SCN2A: variants seen among roughly 807,000 people sequenced by gnomAD.
SCN2A encodes the protein sodium channel protein type 2 subunit alpha.
A neutral mutation model predicts 188.7 loss-of-function variants in SCN2A; 20 were observed. The ratio of observed to expected loss-of-function variants is 0.11; its 90% CI spans 0.07 to 0.15. The LOEUF is 0.15. Among genes scored for constraint, SCN2A ranks in the 10% least tolerant of loss-of-function variants. The pLI, the probability that SCN2A is intolerant of heterozygous loss-of-function variation, is 1.00. For missense variants in SCN2A, 1,278 were observed against 2,445.0 expected, an observed-to-expected ratio of 0.52 and a Z score of 10.07; for synonymous variants, 804 against 833.1, an observed-to-expected ratio of 0.97 and a Z score of 0.60.
At chr2:165,357,227 T>C (rs1228810736) in intron 17 of SCN2A, among the ~76,000 whole-genome samples, 1 of 152,200 alleles carries the variant, frequency 6.6e-6, no homozygotes, top group African/African-American at 2.4e-5. Flanking sequence ...AAAACAATTA[T>C]TGAAGAATTT....
chr2:165,355,999 A>C (rs1474416143), intron 17 of SCN2A, among the ~76,000 whole-genome samples: 12 of 88,108 alleles, frequency 1.4e-4, no homozygotes, highest in African/African-American at 3.4e-4. Context: ...ACTCTGTCTC[A>C]AAAAAAAAAA....
chr2:165,363,104 T>C, intron 17 of SCN2A, among the ~76,000 whole-genome samples: 1 of 152,186 alleles, frequency 6.6e-6, no homozygotes, highest in South Asian at 2.1e-4. Flanking sequence ...ATATGCTGTC[T>C]GGTGACTTCT....
At chr2:165,249,692 C>G (rs1694005447) in intron 1 of SCN2A, among the ~76,000 whole-genome samples, 1 of 151,934 alleles carries the variant, frequency 6.6e-6, no homozygotes. Flanking sequence ...ATGGAAGCCA[C>G]CCAGTTAACT....
intron 1 of SCN2A, among the ~76,000 whole-genome samples, chr2:165,245,797 A>G (rs555996483): frequency 6.6e-6 from 1 of 152,348 alleles, no homozygotes; most frequent in Non-Finnish European, 1.5e-5. Context: ...AAGGGTCAAG[A>G]AACTTCTACA....
At chr2:165,263,886 AT>A (rs35091347) in intron 1 of SCN2A, among the ~76,000 whole-genome samples, 16,324 of 146,070 alleles carry the variant, frequency 0.11, 1,002 homozygotes, top group Middle Eastern at 0.24. Flanking sequence ...TAAGTATTCT[AT>A]TTTTTTTTTT....
Position 165,389,855 on chromosome 2 carries a change from CA to C in SCN2A, c.*33del. The stretch of plus-strand genomic sequence containing the variant: ...AACCAAGAATTTTCCATTTTGTGAT[CA>C]ATTGTTTACAGCCCGTGATGGTGAT... On this transcript the variant is annotated 3_prime_UTR_variant, in exon 27 of 27. Transcript: ENST00000375437. The surrounding 1 kb of genome is among the most constrained non-coding windows in gnomAD (Gnocchi z 4.2). 6.4e-7 allele frequency: 1 copy of C among 1,562,954 alleles called. No homozygotes were observed. The highest frequency in any genetic ancestry group is 8.7e-7 in the Non-Finnish European group (1 of 1,155,540).
At chr2:165,376,547 T>C (rs1376601675) in intron 22 of SCN2A, among the ~76,000 whole-genome samples, 1 of 152,016 alleles carries the variant, frequency 6.6e-6, no homozygotes, top group Admixed American at 6.6e-5. Flanking sequence ...GCTGGAAACA[T>C]GATGGTTCTA....
At chr2:165,271,377 ATT>A (rs1301464862) in intron 1 of SCN2A, 3 of 152,096 alleles carry the variant, frequency 2.0e-5, no homozygotes, top group Admixed American at 2.0e-4. Context: ...TTACAGTCTT[ATT>A]GCTGGCCACA....
At chr2:165,307,184 A>G (rs987722479) in intron 3 of SCN2A, among the ~76,000 whole-genome samples, 2 of 152,088 alleles carry the variant, frequency 1.3e-5, no homozygotes, top group African/African-American at 2.4e-5. Flanking sequence ...GTTGAAGGAG[A>G]CTTACATATT....
intron 17 of SCN2A, among the ~76,000 whole-genome samples, chr2:165,359,159 G>A (rs1700324384): frequency 6.6e-6 from 1 of 152,036 alleles, no homozygotes; most frequent in Non-Finnish European, 1.5e-5. Context: ...AGATTCATGA[G>A]CTATAATGCC....
chr2:165,260,595 A>G (rs1018201331), intron 1 of SCN2A, among the ~76,000 whole-genome samples: 1 of 152,116 alleles, frequency 6.6e-6, no homozygotes, highest in African/African-American at 2.4e-5. Context: ...CCAGCTGCAT[A>G]CAGTTATCCC....
intron 14 of SCN2A, among the ~76,000 whole-genome samples, chr2:165,332,970 C>T (rs1698776901): frequency 6.6e-6 from 1 of 152,006 alleles, no homozygotes; most frequent in Non-Finnish European, 1.5e-5. Flanking sequence ...ATTCTATCAA[C>T]TTTTATTCTA....
chr2:165,378,029 A>C (rs942889478), intron 23 of SCN2A, among the ~76,000 whole-genome samples: 4 of 151,654 alleles, frequency 2.6e-5, no homozygotes, highest in African/African-American at 9.7e-5. Flanking sequence ...TCTTCCTTAT[A>C]ATAGGAAGGA....
intron 1 of SCN2A, among the ~76,000 whole-genome samples, chr2:165,250,470 G>A (rs371806760): frequency 6.8e-6 from 1 of 146,058 alleles, no homozygotes; most frequent in South Asian, 2.2e-4. Context: ...TTAGGGAAAC[G>A]GTGCCCTCTT....
chr2:165,374,963 A>C lies in SCN2A; in HGVS notation c.4251A>C (p.Gln1417His). 2 of 1,612,184 alleles carry C rather than the reference A, an allele frequency of 1.2e-6. No homozygotes were observed. Among genetic ancestry groups the C allele is most frequent in the Non-Finnish European group, 1.7e-6 (2 of 1,178,620 alleles). The change falls in exon 22 of 27, where the codon CAA becomes CAC. Residue 1417 changes from glutamine to histidine, a missense_variant. Physicochemically the swap from Gln to His is conservative, Grantham distance 24. Around this residue, in one of 17 missense-constraint regions of SCN2A, gnomAD observed 97 missense variants for 266.1 expected, o/e 0.36. Coordinates refer to ENST00000375437, the MANE Select transcript of SCN2A (RefSeq NM_001040142.2). ...GACTTGGATATCTGTCTCTACTTCA[A>C]GTAGTAAGTAATCACTTTATTATTT... ...NVGLGYLSLLQVATFKGWMDI... is the reference protein window; with the variant it reads ...NVGLGYLSLLHVATFKGWMDI...
Position 165,332,571 on chromosome 2 carries a change from GA to G in SCN2A, c.2388+1006del, listed in dbSNP as rs563169386. On this transcript the variant is annotated intron_variant, in intron 14 of 26. Transcript: ENST00000375437. ...AGGTCTGAATGCTGTATCAGACTCT[GA>G]AAGCTATTTCAGAGACTATCATAAG... Among the ~76,000 whole-genome samples, 13 of 152,136 alleles carry G rather than the reference GA, an allele frequency of 8.5e-5. 1 individual carries two copies. The South Asian group carries it at 2.7e-3, about 32-fold the overall frequency.
chr2:165,390,681 C>A lies in SCN2A; in HGVS notation c.*857C>A, dbSNP rs1702092457. Reference sequence around the variant, plus strand: ...ATGCACACACAGAGATATACACATACCATTACATTGTCATTCACAGTCCCA... The same window carrying A: ...ATGCACACACAGAGATATACACATAACATTACATTGTCATTCACAGTCCCA... On this transcript the variant is annotated 3_prime_UTR_variant, in exon 27 of 27. Transcript: ENST00000375437. 6.6e-6 allele frequency: 1 copy of A among 152,232 alleles called. No homozygotes were observed. The highest frequency in any genetic ancestry group is 6.6e-5 in the Admixed American group (1 of 15,234). The allele number at this position is 152,232 out of a possible 1,614,324, so 9.4% of individuals were successfully genotyped here.
At chr2:165,367,487 A>G (rs1184862917) in intron 19 of SCN2A, 116 bp downstream of exon 19, 1 of 1,184,754 alleles carries the variant, frequency 8.4e-7, no homozygotes. Context: ...GAGAAGAAAT[A>G]TGTGTGACGT....
intron 1 of SCN2A, chr2:165,245,384 A>G (rs898072413): frequency 6.6e-5 from 10 of 152,094 alleles, no homozygotes; most frequent in African/African-American, 2.2e-4. Flanking sequence ...GAGAAGAAGG[A>G]TGTGTTTGCT....
Sources: allele counts gnomAD v4.1 joint callset (sites outside exome capture counted in the v4.1 genomes callset), GRCh38; gene constraint gnomAD v4.1.1; regional missense constraint gnomAD v4.1.1; non-coding constraint Gnocchi (gnomAD v3.1); transcripts MANE v1.5; gene names NCBI Gene and HGNC (gene_info 2026-07-23, HGNC 2026-07-21).